The following F10 variants were observed in gnomAD, a reference collection of about 807,000 sequenced individuals.
The protein encoded by F10 is Stuart-Prower factor.
F10 carries 29 observed loss-of-function variants against 37.1 expected under a neutral mutation model. That is an observed-to-expected ratio of 0.78 (90% confidence interval 0.58 to 1.07). The LOEUF (loss-of-function observed/expected upper bound fraction) is 1.07, where lower values mean the gene tolerates loss of function less well. F10 is among the 50% of genes least tolerant of loss of function. The pLI is 0.00. For synonymous variants in F10, 262 were observed against 268.6 expected (o/e 0.98, Z 0.24); for missense variants, 539 against 667.9 (o/e 0.81, Z 2.13).
chr13:113,124,674 G>A (rs1397831366), intron 1 of F10, among the ~76,000 whole-genome samples: 1 of 152,228 alleles, frequency 6.6e-6, no homozygotes, highest in Admixed American at 6.5e-5. Context: ...GCCTTTAAAC[G>A]AGCACAGCTG....
chr13:113,138,532 T>C, intron 3 of F10, 51 bp downstream of exon 3: 4 of 1,168,052 alleles, frequency 3.4e-6, no homozygotes, highest in East Asian at 2.4e-5. Context: ...CATCAGGATA[T>C]TTGAATTTTG....
chr13:113,143,709 T>TG lies in F10; in HGVS notation c.503-142_503-141insG. 73 of 1,311,258 alleles carry TG rather than the reference T, an allele frequency of 5.6e-5. No individual in the cohort carries two copies. Among genetic ancestry groups the TG allele is most frequent in the Admixed American group, 2.9e-4 (14 of 49,060 alleles). The allele number at this position is 1,311,258 out of a possible 1,614,324, so 81.2% of individuals were successfully genotyped here. On this transcript the variant is annotated intron_variant, in intron 5 of 7. Transcript: ENST00000375559. This position sits in a 1 kb window ranked among gnomAD's most constrained non-coding sequence, Gnocchi z 6.8. ...CGACCCCTGCCGACGACGTGGGGCC[T>TG]CGCCCTGCAAGCCCGCTGCCCCTCC...
chr13:113,142,324 G>A (rs1336208567), intron 5 of F10, among the ~76,000 whole-genome samples: 6 of 151,736 alleles, frequency 4.0e-5, no homozygotes, highest in East Asian at 2.0e-4. Flanking sequence ...GGCGGATCAT[G>A]AGGTCAGGAG....
rs778077342 is a variant in F10 at position 113,149,186 on chromosome 13, T to C, written c.1136T>C (p.Met379Thr). The C allele has an allele frequency of 6.2e-7, 1 of 1,612,882 alleles. No homozygotes were observed. Among genetic ancestry groups the C allele is most frequent in the Non-Finnish European group, 8.5e-7 (1 of 1,180,004 alleles). ...GGCCGGCAGTCCACCAGGCTCAAGA[T>C]GCTGGAGGTGCCCTACGTGGACCGC... ...EKGRQSTRLK[M>T]LEVPYVDRNS... Residue 379 changes from methionine (M) to threonine (T), a missense_variant, in exon 8 of 8, where the codon ATG becomes ACG. Met to Thr is a moderately conservative substitution (Grantham distance 81). Coordinates refer to ENST00000375559, the MANE Select transcript of F10 (RefSeq NM_000504.4). The surrounding 1 kb of genome is among the most constrained non-coding windows in gnomAD (Gnocchi z 7.5).
chr13:113,147,854 C>T (rs1277830673), intron 7 of F10, among the ~76,000 whole-genome samples: 1 of 152,128 alleles, frequency 6.6e-6, no homozygotes, highest in Non-Finnish European at 1.5e-5. Context: ...CTTTAACATA[C>T]TCTGAACACC....
intron 1 of F10, among the ~76,000 whole-genome samples, chr13:113,129,142 T>G (rs2036400111): frequency 1.3e-5 from 2 of 152,192 alleles, no homozygotes; most frequent in African/African-American, 4.8e-5. Context: ...TTGGTCAGCC[T>G]CAAGGTCTCT....
In F10 at chr13:113,139,512, TGAAG is replaced by T; in HGVS notation, c.370+43_370+46del. On this transcript the variant is annotated intron_variant, in intron 4 of 7. Coordinates refer to ENST00000375559, the MANE Select transcript of F10 (RefSeq NM_000504.4). The surrounding 1 kb of genome is among the most constrained non-coding windows in gnomAD (Gnocchi z 5.2). ...GGTATACCTTCAGATCAGATGCCCCTGAAGAGTGGCAGGTGGGCGGGGGAAGAAG... is the reference window on the plus strand; with the variant it reads ...GGTATACCTTCAGATCAGATGCCCCTAGTGGCAGGTGGGCGGGGGAAGAAG... The T allele has an allele frequency of 6.7e-7, 1 of 1,487,340 alleles. No individual in the cohort carries two copies. Among genetic ancestry groups the T allele is most frequent in the Non-Finnish European group, 9.4e-7 (1 of 1,065,272 alleles). 92.1% of individuals were successfully genotyped at this position (1,487,340 alleles called of 1,614,324 possible). A position where few individuals can be genotyped will look rare whatever the true frequency, so the allele number is the denominator to read the frequency against.
chr13:113,140,045 A>G (rs892442348), intron 4 of F10, among the ~76,000 whole-genome samples: 1 of 147,216 alleles, frequency 6.8e-6, no homozygotes, highest in South Asian at 2.2e-4. Flanking sequence ...AAAGATTTGC[A>G]TTTCTTTTAA....
intron 2 of F10, among the ~76,000 whole-genome samples, chr13:113,133,775 A>G (rs150887599): frequency 9.8e-5 from 15 of 152,358 alleles, no homozygotes; most frequent in African/African-American, 3.4e-4. Context: ...AAAATCCTCA[A>G]CAAAATATTA....
intron 6 of F10, among the ~76,000 whole-genome samples, chr13:113,145,472 A>G (rs1313387289): frequency 2.0e-5 from 3 of 152,276 alleles, no homozygotes; most frequent in Non-Finnish European, 4.4e-5. Context: ...TTTCACATAA[A>G]CTAGAAATAC....
At chr13:113,136,463 T>TA (rs200659807) in intron 2 of F10, among the ~76,000 whole-genome samples, 2 of 149,788 alleles carry the variant, frequency 1.3e-5, no homozygotes, top group African/African-American at 2.5e-5. Flanking sequence ...TTTTTTTTTT[T>TA]AATTTTTATT....
chr13:113,125,176 G>C (rs972368237), intron 1 of F10, among the ~76,000 whole-genome samples: 1 of 152,218 alleles, frequency 6.6e-6, no homozygotes, highest in African/African-American at 2.4e-5. Context: ...CCACCTGTGA[G>C]TGTTTTCTGC....
intron 6 of F10, among the ~76,000 whole-genome samples, chr13:113,145,604 A>G (rs1000820397): frequency 6.6e-6 from 1 of 152,212 alleles, no homozygotes; most frequent in Non-Finnish European, 1.5e-5. Context: ...TGACACATAC[A>G]TACCCGAGAC....
At position 113,144,374 on chromosome 13, in the gene F10, C is replaced by T. The variant is rs149449170; in HGVS notation, c.747+279C>T. ...CCCACTGGGCATTTCCATGGCTGCC[C>T]GTGGCATGCCCAGGACGATGCTGTC... On this transcript the variant is annotated intron_variant, in intron 6 of 7. Transcript: ENST00000375559. This position sits in a 1 kb window ranked among gnomAD's most constrained non-coding sequence, Gnocchi z 6.4. Among the ~76,000 whole-genome samples, 103 of 152,358 alleles carry T rather than the reference C, an allele frequency of 6.8e-4. 1 individual carries two copies. The highest frequency in any genetic ancestry group is 2.3e-3 in the African/African-American group (96 of 41,588).
chr13:113,139,329 C>A lies in F10; in HGVS notation c.257-28C>A. The A allele has an allele frequency of 6.3e-7, 1 of 1,586,032 alleles. No homozygotes were observed. Among genetic ancestry groups the A allele is most frequent in the Non-Finnish European group, 8.7e-7 (1 of 1,154,860 alleles). On this transcript the variant is annotated intron_variant, in intron 3 of 7. Transcript: ENST00000375559. This position sits in a 1 kb window ranked among gnomAD's most constrained non-coding sequence, Gnocchi z 5.2. The stretch of plus-strand genomic sequence containing the variant: ...CATGATGCCGGAAACAGCTTGCAGA[C>A]TCCAGTTTCGAAATCCTCTCTTTGC...
rs972646840 is a variant in F10 at position 113,143,440 on chromosome 13, C to T, written c.503-411C>T. 6.6e-6 allele frequency among the ~76,000 whole-genome samples: 1 copy of T among 152,130 alleles called. No individual in the cohort carries two copies. Among genetic ancestry groups the T allele is most frequent in the African/African-American group, 2.4e-5 (1 of 41,432 alleles). On this transcript the variant is annotated intron_variant, in intron 5 of 7. Transcript: ENST00000375559. The surrounding 1 kb of genome is among the most constrained non-coding windows in gnomAD (Gnocchi z 6.8). ...CACTGGAAAGAATTTTGCAGGGAGT[C>T]GCACACGCCCAGCACTTGGGTTCTC...
chr13:113,123,609 G>A (rs2036341688), intron 1 of F10, among the ~76,000 whole-genome samples: 1 of 152,144 alleles, frequency 6.6e-6, no homozygotes, highest in African/African-American at 2.4e-5. Flanking sequence ...TGGACAAAGT[G>A]GACAGGCAGG....
intron 1 of F10, among the ~76,000 whole-genome samples, chr13:113,123,895 A>G (rs971145545): frequency 1.3e-5 from 2 of 150,078 alleles, no homozygotes; most frequent in African/African-American, 2.5e-5. Flanking sequence ...TCCCGTCTTC[A>G]TGGGGTACTG....
intron 1 of F10, 122 bp downstream of exon 1, chr13:113,123,047 T>A: frequency 2.6e-6 from 3 of 1,170,006 alleles, no homozygotes; most frequent in Non-Finnish European, 3.7e-6. Flanking sequence ...TGCCAGAGGC[T>A]GGGCTCGGAT....
Sources: allele counts gnomAD v4.1 joint callset (sites outside exome capture counted in the v4.1 genomes callset), GRCh38; gene constraint gnomAD v4.1.1; non-coding constraint Gnocchi (gnomAD v3.1); transcripts MANE v1.5; gene names NCBI Gene and HGNC (gene_info 2026-07-23, HGNC 2026-07-21).